Variants in SPECC1L observed in about 807,000 individuals in gnomAD.
SPECC1L encodes sperm antigen with calponin homology and coiled-coil domains 1 like.
A neutral mutation model predicts 116.8 loss-of-function variants in SPECC1L; 40 were observed. The ratio of observed to expected loss-of-function variants is 0.34; its 90% CI spans 0.27 to 0.45. The LOEUF (loss-of-function observed/expected upper bound fraction) is 0.45. Ranked by LOEUF, SPECC1L falls within the 20% of genes least tolerant of loss-of-function variation. SPECC1L has a pLI of 1.00. For synonymous variants in SPECC1L, 504 were observed against 500.6 expected (o/e 1.01, Z -0.09); for missense variants, 1,110 against 1,373.6 (o/e 0.81, Z 3.03).
chr22:24,409,987 C>T (rs374615102), intron 14 of SPECC1L, among the ~76,000 whole-genome samples: 71 of 152,364 alleles, frequency 4.7e-4, no homozygotes, highest in African/African-American at 1.6e-3. Context: ...GTCAACTCCA[C>T]TCCAGCTTGG....
At chr22:24,273,525 A>G (rs1354658665) in intron 1 of SPECC1L, among the ~76,000 whole-genome samples, 1 of 152,222 alleles carries the variant, frequency 6.6e-6, no homozygotes, top group Non-Finnish European at 1.5e-5. Flanking sequence ...ATTTTTAAAA[A>G]TAAAGAGAGC....
intron 13 of SPECC1L, 147 bp from the exon 14 acceptor site, chr22:24,369,071 A>T: frequency 2.9e-6 from 2 of 685,484 alleles, no homozygotes; most frequent in Admixed American, 4.5e-5. Flanking sequence ...CCATAAACTA[A>T]AAATCAAATG....
chr22:24,272,555 C>G (rs1569397083), intron 1 of SPECC1L, among the ~76,000 whole-genome samples: 1 of 151,970 alleles, frequency 6.6e-6, no homozygotes, highest in Admixed American at 6.6e-5. Context: ...CGCTTGTGAT[C>G]CCAGCGGCTC....
At chr22:24,314,139 G>T (rs2040514598) in intron 4 of SPECC1L, among the ~76,000 whole-genome samples, 1 of 152,004 alleles carries the variant, frequency 6.6e-6, no homozygotes, top group South Asian at 2.1e-4. Context: ...TCGCCTCCTG[G>T]GTTGATGCCA....
At chr22:24,300,380 T>C (rs1054333083) in intron 2 of SPECC1L, among the ~76,000 whole-genome samples, 2 of 152,206 alleles carry the variant, frequency 1.3e-5, no homozygotes, top group Non-Finnish European at 2.9e-5. Flanking sequence ...AGTGTATCAT[T>C]GATGGGCATT....
chr22:24,398,909 A>T (rs2042417512), intron 14 of SPECC1L, among the ~76,000 whole-genome samples: 1 of 152,190 alleles, frequency 6.6e-6, no homozygotes, highest in Admixed American at 6.5e-5. Context: ...TTGCTTGAGG[A>T]TTTCCACGAG....
chr22:24,291,618 C>T (rs918340632), intron 2 of SPECC1L, among the ~76,000 whole-genome samples: 3 of 151,806 alleles, frequency 2.0e-5, no homozygotes, highest in Non-Finnish European at 4.4e-5. Context: ...ATACATGGGG[C>T]ATGCAATATA....
In SPECC1L at chr22:24,365,626, G is replaced by T; in HGVS notation, c.2978G>T (p.Arg993Leu). Residue 993 changes from arginine to leucine, a missense_variant, in exon 13 of 17, where the codon CGA becomes CTA. Arg to Leu is a moderately radical substitution (Grantham distance 102). Coordinates refer to ENST00000314328, the MANE Select transcript of SPECC1L (RefSeq NM_015330.6). ...TCTGTGACTCCCACCACCCGAAGCCGAATAAGGTAGAGAACAGTTAATATT... is the reference window on the plus strand; with the variant it reads ...TCTGTGACTCCCACCACCCGAAGCCTAATAAGGTAGAGAACAGTTAATATT... ...TASVTPTTRSRIREERKDPLS... is the reference protein window; with the variant it reads ...TASVTPTTRSLIREERKDPLS... 2 of 1,614,102 alleles carry T rather than the reference G, an allele frequency of 1.2e-6. No individual in the cohort carries two copies. The highest frequency in any genetic ancestry group is 1.1e-5 in the South Asian group (1 of 91,080).
At chr22:24,405,788 G>C (rs899961661) in intron 14 of SPECC1L, among the ~76,000 whole-genome samples, 5 of 151,252 alleles carry the variant, frequency 3.3e-5, no homozygotes, top group African/African-American at 1.2e-4. Flanking sequence ...GCAGTGATTC[G>C]AGATTGCGCC....
chr22:24,359,879 C>G (rs2041609011), intron 11 of SPECC1L, among the ~76,000 whole-genome samples: 1 of 152,194 alleles, frequency 6.6e-6, no homozygotes, highest in South Asian at 2.1e-4. Flanking sequence ...AAGACCAGGT[C>G]ACATTGCCTG....
chr22:24,370,764 C>T (rs2041856351), intron 14 of SPECC1L, among the ~76,000 whole-genome samples: 1 of 152,184 alleles, frequency 6.6e-6, no homozygotes, highest in Non-Finnish European at 1.5e-5. Flanking sequence ...GAAATTCTTA[C>T]ACATGCTACA....
intron 3 of SPECC1L, among the ~76,000 whole-genome samples, chr22:24,303,625 C>T (rs2049427388): frequency 6.6e-6 from 1 of 152,140 alleles, no homozygotes; most frequent in African/African-American, 2.4e-5. Context: ...CCTTCTGTGG[C>T]CTCTTCGTCA....
intron 14 of SPECC1L, among the ~76,000 whole-genome samples, chr22:24,379,744 T>C (rs879865553): frequency 2.6e-5 from 4 of 152,232 alleles, no homozygotes; most frequent in Non-Finnish European, 5.9e-5. Context: ...TGGGAGGCAG[T>C]TGGCTTTTGT....
At chr22:24,398,794 G>A (rs1382511073) in intron 14 of SPECC1L, among the ~76,000 whole-genome samples, 1 of 152,186 alleles carries the variant, frequency 6.6e-6, no homozygotes, top group Non-Finnish European at 1.5e-5. Flanking sequence ...CCCCTAAAGA[G>A]GCCAGGAAAG....
At chr22:24,404,795 C>CCT (rs2042554094) in intron 14 of SPECC1L, among the ~76,000 whole-genome samples, 1 of 152,174 alleles carries the variant, frequency 6.6e-6, no homozygotes, top group Non-Finnish European at 1.5e-5. Flanking sequence ...CCATGAAACC[C>CCT]CAGGTGAGGA....
At chr22:24,296,694 G>A (rs1218868551) in intron 2 of SPECC1L, among the ~76,000 whole-genome samples, 10 of 152,274 alleles carry the variant, frequency 6.6e-5, no homozygotes, top group Admixed American at 2.0e-4. Context: ...GGGGCTCTAG[G>A]GAGGAGTGTC....
Position 24,371,918 on chromosome 22 carries a change from G to A in SPECC1L, c.3087+2598G>A, listed in dbSNP as rs148887223. Reference sequence around the variant, plus strand: ...TGTATTTTAGTAGAGACGAGGTTTCGCCATGTTGGCCAGGCTGGTCTTGAA... The same window carrying A: ...TGTATTTTAGTAGAGACGAGGTTTCACCATGTTGGCCAGGCTGGTCTTGAA... On this transcript the variant is annotated intron_variant, in intron 14 of 16. Coordinates refer to ENST00000314328, the MANE Select transcript of SPECC1L (RefSeq NM_015330.6). 1.9e-3 allele frequency among the ~76,000 whole-genome samples: 289 copies of A among 152,196 alleles called. 3 individuals are homozygous for A. The highest frequency in any genetic ancestry group is 6.4e-3 in the African/African-American group (266 of 41,508).
chr22:24,367,401 A>G (rs1013792129), intron 13 of SPECC1L, among the ~76,000 whole-genome samples: 4 of 152,114 alleles, frequency 2.6e-5, no homozygotes, highest in African/African-American at 9.7e-5. Context: ...CAAATTTGTA[A>G]ACTTTCTTAA....
chr22:24,363,482 C>A, intron 12 of SPECC1L, 138 bp downstream of exon 12: 2 of 776,116 alleles, frequency 2.6e-6, no homozygotes, highest in South Asian at 2.9e-5. Context: ...TCACCTTGGC[C>A]TTCCAAAGTG....
Sources: gnomAD v4.1 joint callset for allele counts (sites outside exome capture counted in the v4.1 genomes callset) on GRCh38, gnomAD v4.1.1 for gene constraint, MANE v1.5 for transcripts, NCBI Gene and HGNC (gene_info 2026-07-23, HGNC 2026-07-21) for gene names.